The following ASIC2 variants were observed in gnomAD, a reference collection of about 807,000 sequenced individuals.
ASIC2 encodes acid-sensing ion channel 2.
Under a neutral mutation model 57.3 loss-of-function variants are expected in ASIC2, and 25 were observed. The ratio of observed to expected loss-of-function variants is 0.44; its 90% CI spans 0.32 to 0.61. The LOEUF is 0.61. ASIC2 is among the 20% of genes least tolerant of loss of function. ASIC2 has a pLI of 0.06. For missense variants in ASIC2, 641 were observed against 738.1 expected, an observed-to-expected ratio of 0.87 and a Z score of 1.52; for synonymous variants, 319 against 307.5, an observed-to-expected ratio of 1.04 and a Z score of -0.39.
chr17:33,435,866 G>C (rs547898636), intron 1 of ASIC2, among the ~76,000 whole-genome samples: 7 of 152,190 alleles, frequency 4.6e-5, no homozygotes, highest in Non-Finnish European at 1.0e-4. Flanking sequence ...AGTCTGATCA[G>C]ACCTCTAGAC....
chr17:33,992,702 G>C (rs537944424), intron 1 of ASIC2, among the ~76,000 whole-genome samples: 12 of 152,298 alleles, frequency 7.9e-5, no homozygotes, highest in Non-Finnish European at 1.6e-4. Context: ...AGAGAAATCG[G>C]CAAACACTAC....
intron 1 of ASIC2, among the ~76,000 whole-genome samples, chr17:33,451,858 C>T (rs1053826000): frequency 2.0e-5 from 3 of 152,152 alleles, no homozygotes; most frequent in African/African-American, 4.8e-5. Flanking sequence ...TAATTATAAC[C>T]GCTAAGTAAT....
At chr17:33,813,327 G>C (rs1279694972) in intron 1 of ASIC2, among the ~76,000 whole-genome samples, 1 of 152,146 alleles carries the variant, frequency 6.6e-6, no homozygotes, top group Non-Finnish European at 1.5e-5. Context: ...GGTGACATCA[G>C]ATGGTCCTCA....
intron 1 of ASIC2, among the ~76,000 whole-genome samples, chr17:33,437,322 C>A (rs1406117540): frequency 1.3e-5 from 2 of 152,168 alleles, no homozygotes; most frequent in Non-Finnish European, 2.9e-5. Flanking sequence ...CAAGACTAAA[C>A]TATAGTCACT....
chr17:33,585,371 A>C (rs1374445485), intron 1 of ASIC2, among the ~76,000 whole-genome samples: 1 of 152,224 alleles, frequency 6.6e-6, no homozygotes, highest in Non-Finnish European at 1.5e-5. Context: ...TCTTGGTTCC[A>C]TTCCCTTGCT....
At chr17:34,091,874 T>C (rs1453628342) in intron 1 of ASIC2, among the ~76,000 whole-genome samples, 1 of 152,212 alleles carries the variant, frequency 6.6e-6, no homozygotes, top group African/African-American at 2.4e-5. Context: ...ATTAGCTACA[T>C]GACCTTGAGC....
chr17:33,116,175 T>G (rs1269367136), intron 1 of ASIC2, among the ~76,000 whole-genome samples: 1 of 152,252 alleles, frequency 6.6e-6, no homozygotes, highest in Non-Finnish European at 1.5e-5. Flanking sequence ...CCTGGCTGCA[T>G]GCCTTTGCTG....
intron 1 of ASIC2, among the ~76,000 whole-genome samples, chr17:33,916,745 C>T (rs147434956): frequency 1.3e-5 from 2 of 152,168 alleles, no homozygotes; most frequent in Non-Finnish European, 2.9e-5. Flanking sequence ...CAAGGACTGA[C>T]AGCAAAGAGA....
At chr17:33,069,367 G>T (rs1346124923) in intron 3 of ASIC2, among the ~76,000 whole-genome samples, 1 of 152,106 alleles carries the variant, frequency 6.6e-6, no homozygotes, top group African/African-American at 2.4e-5. Context: ...TGAGAGTGTT[G>T]TTCAAATCTT....
intron 1 of ASIC2, among the ~76,000 whole-genome samples, chr17:33,999,485 T>C (rs1676068385): frequency 6.6e-6 from 1 of 152,184 alleles, no homozygotes; most frequent in African/African-American, 2.4e-5. Flanking sequence ...TAATTTTTCA[T>C]AGTTGCATGC....
At chr17:33,981,102 AT>A (rs1241702268) in intron 1 of ASIC2, among the ~76,000 whole-genome samples, 2 of 151,218 alleles carry the variant, frequency 1.3e-5, no homozygotes, top group African/African-American at 4.9e-5. Context: ...CGCCTGGCTA[AT>A]TTTTTTTCTT....
At chr17:34,110,313 T>C (rs1911223949) in intron 1 of ASIC2, among the ~76,000 whole-genome samples, 2 of 152,220 alleles carry the variant, frequency 1.3e-5, no homozygotes, top group Admixed American at 6.5e-5. Context: ...TTGCCCAGAT[T>C]AGGATAGGGA....
chr17:33,291,408 G>A lies in ASIC2; in HGVS notation c.708C>T (p.Ser236=). ...CGGGTTCGCGCGGAGGGCAACTCAC[G>A]GAGGAGAAGTTGTGCGGCCCGCAGA... The part of the protein sequence containing the change: ...GELCGPHNFS[S]VFTKYGKCYM... The change falls in exon 1 of 10, where the codon TCC becomes TCT. Residue 236 remains serine (S), a splice_region_variant and synonymous_variant. Transcript: ENST00000225823. The A allele has an allele frequency of 6.3e-7, 1 of 1,594,656 alleles. No homozygotes were observed. The highest frequency in any genetic ancestry group is 1.1e-5 in the South Asian group (1 of 89,584).
chr17:33,779,932 A>C (rs1251886984), intron 1 of ASIC2, among the ~76,000 whole-genome samples: 1 of 149,136 alleles, frequency 6.7e-6, no homozygotes, highest in Non-Finnish European at 1.5e-5. Context: ...TGGGTGACAG[A>C]AGTAGCATTT....
intron 1 of ASIC2, among the ~76,000 whole-genome samples, chr17:33,408,519 A>G (rs952792383): frequency 6.6e-6 from 1 of 152,246 alleles, no homozygotes; most frequent in African/African-American, 2.4e-5. Context: ...AATACAAGGC[A>G]TATGTAAAAT....
At chr17:33,741,598 T>C (rs574439501) in intron 1 of ASIC2, among the ~76,000 whole-genome samples, 2 of 152,294 alleles carry the variant, frequency 1.3e-5, no homozygotes, top group African/African-American at 4.8e-5. Context: ...TCCTGGACCC[T>C]GGGCAGGCAC....
At chr17:34,001,919 C>G (rs1906358059) in intron 1 of ASIC2, 1 of 152,156 alleles carries the variant, frequency 6.6e-6, no homozygotes, top group South Asian at 2.1e-4. Context: ...ACTCCTATCC[C>G]TTCATTTTGT....
chr17:33,797,701 G>A (rs145698237), intron 1 of ASIC2, among the ~76,000 whole-genome samples: 207 of 152,280 alleles, frequency 1.4e-3, no homozygotes, highest in African/African-American at 4.5e-3. Flanking sequence ...TTGCTGAAGC[G>A]TGAGTTTGCG....
chr17:33,800,172 A>G lies in ASIC2; in HGVS notation c.555+355806T>C, dbSNP rs548841007. On this transcript the variant is annotated intron_variant, in intron 1 of 9. Transcript: ENST00000359872. ...GGCCTTGACCTGTATGTTTGTGGTT[A>G]TAATTCCTGGTCAGACCCATCCAAG... 5.9e-5 allele frequency among the ~76,000 whole-genome samples: 9 copies of G among 152,210 alleles called. No individual in the cohort carries two copies. The South Asian group carries it at 1.9e-3, about 32-fold the overall frequency.
Sources: allele counts gnomAD v4.1 joint callset (sites outside exome capture counted in the v4.1 genomes callset), GRCh38; gene constraint gnomAD v4.1.1; transcripts MANE v1.5; gene names NCBI Gene and HGNC (gene_info 2026-07-23, HGNC 2026-07-21).